Variants in AGPS observed in about 807,000 individuals in gnomAD.
AGPS encodes alkyldihydroxyacetonephosphate synthase, peroxisomal.
AGPS carries 26 observed loss-of-function variants against 90.7 expected under a neutral mutation model. That is an observed-to-expected ratio of 0.29 (90% confidence interval 0.21 to 0.40). The LOEUF (loss-of-function observed/expected upper bound fraction) is 0.40, where lower values mean the gene tolerates loss of function less well. AGPS is among the 10% of genes least tolerant of loss of function. AGPS has a pLI of 1.00. For missense variants in AGPS, 540 were observed against 816.1 expected, an observed-to-expected ratio of 0.66 and a Z score of 4.12; for synonymous variants, 294 against 285.3, an observed-to-expected ratio of 1.03 and a Z score of -0.31.
chr2:177,450,211 G>T (rs1686898167), intron 8 of AGPS, among the ~76,000 whole-genome samples: 3 of 152,124 alleles, frequency 2.0e-5, no homozygotes, highest in Admixed American at 2.0e-4. Flanking sequence ...CTGGGAATAA[G>T]TCTTTTTTCA....
At chr2:177,534,353 A>G (rs1471926349) in intron 19 of AGPS, among the ~76,000 whole-genome samples, 3 of 152,152 alleles carry the variant, frequency 2.0e-5, no homozygotes, top group Non-Finnish European at 4.4e-5. Context: ...CATCCAGGGG[A>G]ATAGTGAGCC....
At chr2:177,452,924 T>G (rs185627486) in intron 8 of AGPS, among the ~76,000 whole-genome samples, 22 of 152,170 alleles carry the variant, frequency 1.4e-4, no homozygotes, top group Admixed American at 2.6e-4. Context: ...TTTAAAAAAT[T>G]TAAATAATAT....
At chr2:177,475,562 A>G (rs964952299) in intron 10 of AGPS, among the ~76,000 whole-genome samples, 5 of 152,162 alleles carry the variant, frequency 3.3e-5, no homozygotes, top group Non-Finnish European at 5.9e-5. Flanking sequence ...GAATTATATA[A>G]TATGTAATCT....
intron 1 of AGPS, among the ~76,000 whole-genome samples, chr2:177,402,964 GGA>G (rs1327846350): frequency 6.6e-6 from 1 of 152,186 alleles, no homozygotes; most frequent in African/African-American, 2.4e-5. Context: ...GGCTGAGGCA[GGA>G]GAGTCACTCG....
intron 10 of AGPS, among the ~76,000 whole-genome samples, chr2:177,480,010 G>A (rs183221838): frequency 4.1e-4 from 62 of 152,066 alleles, no homozygotes; most frequent in South Asian, 2.7e-3. Flanking sequence ...GAGAAACCCC[G>A]TCTCTACTAA....
At chr2:177,477,922 A>G (rs772339050) in intron 10 of AGPS, among the ~76,000 whole-genome samples, 4 of 152,178 alleles carry the variant, frequency 2.6e-5, no homozygotes, top group Admixed American at 2.6e-4. Context: ...AATATGCATT[A>G]ATACTATCTT....
At chr2:177,509,043 C>A (rs1688790229) in intron 16 of AGPS, among the ~76,000 whole-genome samples, 1 of 152,082 alleles carries the variant, frequency 6.6e-6, no homozygotes. Context: ...TAGGACGGAA[C>A]AATTCCCTGT....
Position 177,540,053 on chromosome 2 carries a change from ATG to A in AGPS, c.*1860_*1861del, listed in dbSNP as rs1553519847. 9.1e-5 allele frequency: 9 copies of A among 99,030 alleles called. No individual in the cohort carries two copies. The highest frequency in any genetic ancestry group is 1.5e-4 in the Non-Finnish European group (7 of 47,288). 6.1% of individuals were successfully genotyped at this position (99,030 alleles called of 1,614,324 possible). Reference sequence around the variant, plus strand: ...GAAGTATATATATATATATATATATATGTATGCATGTGTGTGTGTGTATATAT... The same window carrying A: ...GAAGTATATATATATATATATATATATATGCATGTGTGTGTGTGTATATAT... On this transcript the variant is annotated 3_prime_UTR_variant, in exon 20 of 20. Coordinates refer to ENST00000264167, the MANE Select transcript of AGPS (RefSeq NM_003659.4).
In AGPS at chr2:177,392,800, C is replaced by T. The variant is rs1197778230; in HGVS notation, c.11C>T (p.Ala4Val). 1.3e-6 allele frequency: 2 copies of T among 1,501,148 alleles called. No homozygotes were observed. Among genetic ancestry groups the T allele is most frequent in the South Asian group, 2.7e-5 (2 of 74,936 alleles). 93.0% of individuals were successfully genotyped at this position (1,501,148 alleles called of 1,614,324 possible). The change falls in exon 1 of 20, where the codon GCG becomes GTG. Residue 4 changes from alanine (A) to valine (V), a missense_variant. By Grantham distance (64) the Ala-to-Val change is moderately conservative. Coordinates refer to ENST00000264167, the MANE Select transcript of AGPS (RefSeq NM_003659.4). The stretch of plus-strand genomic sequence containing the variant: ...CACAAGGCGGTAGCCATGGCGGAGG[C>T]GGCGGCTGCAGCGGGTGGGACTGGC... MAEAAAAAGGTGLG... is the reference protein window; with the variant it reads MAEVAAAAGGTGLG...
At chr2:177,452,127 A>G (rs1290231207) in intron 8 of AGPS, among the ~76,000 whole-genome samples, 4 of 152,152 alleles carry the variant, frequency 2.6e-5, no homozygotes, top group Admixed American at 6.5e-5. Context: ...AAAATGTTCC[A>G]TGTGCACTTG....
intron 16 of AGPS, among the ~76,000 whole-genome samples, chr2:177,511,436 T>G (rs1485317907): frequency 6.6e-6 from 1 of 151,858 alleles, no homozygotes; most frequent in Non-Finnish European, 1.5e-5. Flanking sequence ...AGTCTTCTGA[T>G]TAAAACCAAG....
At chr2:177,537,991 T>C in intron 19 of AGPS, 83 bp from the exon 20 acceptor site, 6 of 1,520,830 alleles carry the variant, frequency 3.9e-6, no homozygotes, top group Non-Finnish European at 5.5e-6. Flanking sequence ...TATCACACAG[T>C]GTTTGTTCAC....
intron 10 of AGPS, among the ~76,000 whole-genome samples, chr2:177,476,925 A>G (rs1336971816): frequency 2.0e-5 from 3 of 151,892 alleles, no homozygotes; most frequent in Non-Finnish European, 2.9e-5. Context: ...AGCTAGTAAT[A>G]TTTTGTTTCA....
chr2:177,415,920 T>G (rs1305982670), intron 1 of AGPS, among the ~76,000 whole-genome samples: 3 of 152,032 alleles, frequency 2.0e-5, no homozygotes, highest in East Asian at 3.9e-4. Context: ...ATCTGAAGAG[T>G]GAAGCATCTT....
At chr2:177,433,702 A>C (rs948388676) in intron 2 of AGPS, among the ~76,000 whole-genome samples, 19 of 152,118 alleles carry the variant, frequency 1.2e-4, no homozygotes, top group African/African-American at 4.3e-4. Flanking sequence ...TTCTTAAATC[A>C]AGCAATTAAC....
intron 14 of AGPS, 80 bp from the exon 15 acceptor site, chr2:177,505,426 C>T: frequency 3.2e-6 from 4 of 1,248,664 alleles, no homozygotes; most frequent in Non-Finnish European, 4.7e-6. Context: ...CAAACTTATT[C>T]TCTTGACAGC....
intron 2 of AGPS, among the ~76,000 whole-genome samples, chr2:177,426,267 G>A (rs1321675000): frequency 1.3e-5 from 2 of 152,190 alleles, no homozygotes; most frequent in Admixed American, 1.3e-4. Flanking sequence ...TGCTGAAGTT[G>A]CTTATCAGCT....
intron 8 of AGPS, 67 bp downstream of exon 8, chr2:177,445,693 T>C: frequency 1.7e-6 from 2 of 1,171,642 alleles, no homozygotes; most frequent in South Asian, 3.0e-5. Context: ...ATGTTATTTC[T>C]TTAATGAAAG....
intron 10 of AGPS, among the ~76,000 whole-genome samples, chr2:177,470,904 T>C (rs1304225736): frequency 1.3e-5 from 2 of 152,034 alleles, no homozygotes; most frequent in African/African-American, 4.8e-5. Context: ...TTGTATAAGT[T>C]AGATAATTTT....
Sources: gnomAD v4.1 joint callset for allele counts (sites outside exome capture counted in the v4.1 genomes callset) on GRCh38, gnomAD v4.1.1 for gene constraint, MANE v1.5 for transcripts, NCBI Gene and HGNC (gene_info 2026-07-23, HGNC 2026-07-21) for gene names.